BCR: variants seen among roughly 807,000 people sequenced by gnomAD.
The protein encoded by BCR is breakpoint cluster region protein.
Under a neutral mutation model 138.6 loss-of-function variants are expected in BCR, and 58 were observed. The observed-to-expected ratio is 0.42, with a 90% CI of 0.34 to 0.52. The LOEUF (loss-of-function observed/expected upper bound fraction) is 0.52, where lower values mean the gene tolerates loss of function less well. Among genes scored for constraint, BCR ranks in the 20% least tolerant of loss-of-function variants. The pLI is 0.06. For missense variants in BCR, 1,599 were observed against 1,727.2 expected (o/e 0.93, Z 1.32); for synonymous variants, 786 against 730.1 (o/e 1.08, Z -1.23).
intron 2 of BCR, among the ~76,000 whole-genome samples, chr22:23,260,493 A>AT: frequency 6.6e-6 from 1 of 152,246 alleles, no homozygotes; most frequent in South Asian, 2.1e-4. Context: ...CAGTCAGAGA[A>AT]TCCAGGTGAG....
At chr22:23,274,988 C>T (rs962505519) in intron 8 of BCR, among the ~76,000 whole-genome samples, 1 of 151,876 alleles carries the variant, frequency 6.6e-6, no homozygotes, top group Non-Finnish European at 1.5e-5. Context: ...GGCACTGTAC[C>T]AAGGACACGG....
At chr22:23,223,385 A>T (rs1222583992) in intron 1 of BCR, among the ~76,000 whole-genome samples, 2 of 152,158 alleles carry the variant, frequency 1.3e-5, no homozygotes, top group Non-Finnish European at 1.5e-5. Flanking sequence ...TGTGTGGCCC[A>T]TTGGGGGACA....
intron 1 of BCR, among the ~76,000 whole-genome samples, chr22:23,184,115 G>A (rs1002863569): frequency 2.0e-5 from 3 of 152,092 alleles, no homozygotes; most frequent in Admixed American, 6.6e-5. Context: ...AAGAGACAGC[G>A]TCTGGCTCTG....
chr22:23,296,447 C>T (rs1465453988), intron 16 of BCR, among the ~76,000 whole-genome samples: 1 of 151,942 alleles, frequency 6.6e-6, no homozygotes, highest in Non-Finnish European at 1.5e-5. Flanking sequence ...CCCTGAGTCA[C>T]CTGTCATCTT....
chr22:23,234,474 G>A (rs1302411995), intron 1 of BCR, among the ~76,000 whole-genome samples: 1 of 152,152 alleles, frequency 6.6e-6, no homozygotes, highest in African/African-American at 2.4e-5. Context: ...GAGGGGACTG[G>A]TGCCTGGACA....
chr22:23,289,374 G>C, intron 12 of BCR, 143 bp from the exon 13 acceptor site: 1 of 665,502 alleles, frequency 1.5e-6, no homozygotes, highest in South Asian at 1.9e-5. Flanking sequence ...TGAGAGCCAA[G>C]TGCCCTCTCC....
chr22:23,194,257 G>A (rs2072450396), intron 1 of BCR, among the ~76,000 whole-genome samples: 1 of 152,146 alleles, frequency 6.6e-6, no homozygotes, highest in African/African-American at 2.4e-5. Flanking sequence ...GTCCACATTT[G>A]TTTTTGGAGA....
chr22:23,198,021 C>T (rs942348190), intron 1 of BCR, among the ~76,000 whole-genome samples: 2 of 151,948 alleles, frequency 1.3e-5, no homozygotes, highest in African/African-American at 2.4e-5. Flanking sequence ...GAGTGGAGGG[C>T]CGGAGCAGGC....
chr22:23,183,792 A>G (rs1407030855), intron 1 of BCR, among the ~76,000 whole-genome samples: 1 of 152,218 alleles, frequency 6.6e-6, no homozygotes, highest in Non-Finnish European at 1.5e-5. Context: ...CTGGTGGAGA[A>G]TTCTGGGTTT....
At chr22:23,276,022 C>T (rs1293095211) in intron 8 of BCR, among the ~76,000 whole-genome samples, 3 of 152,140 alleles carry the variant, frequency 2.0e-5, no homozygotes, top group Non-Finnish European at 2.9e-5. Flanking sequence ...GCCCTCGTTC[C>T]TGCATCCGTC....
chr22:23,297,579 C>T (rs2073860700), intron 16 of BCR, among the ~76,000 whole-genome samples: 1 of 152,152 alleles, frequency 6.6e-6, no homozygotes, highest in African/African-American at 2.4e-5. Context: ...CCCCACCCAG[C>T]CTAGGGCATT....
intron 16 of BCR, among the ~76,000 whole-genome samples, chr22:23,308,372 C>G (rs1192049906): frequency 6.6e-6 from 1 of 152,108 alleles, no homozygotes; most frequent in African/African-American, 2.4e-5. Flanking sequence ...GTGGCGCCAT[C>G]TTGGCTCACT....
At chr22:23,268,617 A>C in intron 5 of BCR, 102 bp downstream of exon 5, 1 of 1,006,136 alleles carries the variant, frequency 9.9e-7, no homozygotes, top group Non-Finnish European at 1.5e-6. Context: ...TCTGGTCGTG[A>C]ACCCCAGCTG....
At chr22:23,244,920 C>T (rs2073138813) in intron 1 of BCR, among the ~76,000 whole-genome samples, 1 of 152,206 alleles carries the variant, frequency 6.6e-6, no homozygotes, top group Admixed American at 6.5e-5. Flanking sequence ...CCGGGAATGA[C>T]TGGGAGCCTT....
In BCR at chr22:23,314,024, C is replaced by T. The variant is rs1447313761; in HGVS notation, c.3514C>T (p.Pro1172Ser). The change falls in exon 21 of 23, where the codon CCG becomes TCG. Residue 1172 changes from proline (P) to serine (S), a missense_variant. Physicochemically the swap from Pro to Ser is moderately conservative, Grantham distance 74. Around this residue, in one of 4 missense-constraint regions of BCR, gnomAD observed 177 missense variants for 226.4 expected, o/e 0.78. Transcript: ENST00000305877. Reference sequence around the variant, plus strand: ...CATGCTCAACCTGCTGCTGTCCCTGCCGGAGGCCAACCTGCTCACCTTCCT... The same window carrying T: ...CATGCTCAACCTGCTGCTGTCCCTGTCGGAGGCCAACCTGCTCACCTTCCT... Reference protein sequence around the residue: ...SCMLNLLLSLPEANLLTFLFL... With the variant: ...SCMLNLLLSLSEANLLTFLFL... 1.2e-6 allele frequency: 2 copies of T among 1,613,860 alleles called. No homozygotes were observed. Among genetic ancestry groups the T allele is most frequent in the East Asian group, 2.2e-5 (1 of 44,886 alleles).
chr22:23,201,126 T>C (rs527984021), intron 1 of BCR, among the ~76,000 whole-genome samples: 1 of 152,372 alleles, frequency 6.6e-6, no homozygotes, highest in East Asian at 1.9e-4. Flanking sequence ...TGGCTGCCCA[T>C]GTAGTTAAAA....
At chr22:23,200,888 C>T (rs897753645) in intron 1 of BCR, among the ~76,000 whole-genome samples, 5 of 152,160 alleles carry the variant, frequency 3.3e-5, no homozygotes, top group Admixed American at 2.0e-4. Flanking sequence ...CTGGGCTGGG[C>T]TGTTCATTTG....
chr22:23,280,217 T>G (rs2073628249), intron 8 of BCR, among the ~76,000 whole-genome samples: 2 of 152,216 alleles, frequency 1.3e-5, no homozygotes, highest in African/African-American at 4.8e-5. Context: ...AGGCCCTGGA[T>G]AGGCTGTGCC....
chr22:23,262,900 G>A lies in BCR; in HGVS notation c.1752+1360G>A, dbSNP rs1474286474. 7 of 1,083,040 alleles carry A rather than the reference G, an allele frequency of 6.5e-6. No homozygotes were observed. The African/African-American group carries it at 1.0e-4, about 16-fold the overall frequency. 67.1% of individuals were successfully genotyped at this position (1,083,040 alleles called of 1,614,324 possible). ...GGCAGCGGGCCGGGGGCTGAGGCGG[G>A]AGCGAGGACACGCCCAAGAGAGGAA... is the stretch of plus-strand genomic sequence containing the variant. On this transcript the variant is annotated intron_variant, in intron 4 of 22. Coordinates refer to ENST00000305877, the MANE Select transcript of BCR (RefSeq NM_004327.4).
Sources: gnomAD v4.1 joint callset for allele counts (sites outside exome capture counted in the v4.1 genomes callset) on GRCh38, gnomAD v4.1.1 for gene constraint, gnomAD v4.1.1 regional missense constraint, MANE v1.5 for transcripts, NCBI Gene and HGNC (gene_info 2026-07-23, HGNC 2026-07-21) for gene names.